Variants in PIGO observed in about 807,000 individuals in gnomAD.
The protein encoded by PIGO is phosphatidylinositol glycan anchor biosynthesis class O, also known as GPI ethanolamine phosphate transferase 3, catalytic subunit.
A neutral mutation model predicts 86.9 loss-of-function variants in PIGO; 66 were observed. The ratio of observed to expected loss-of-function variants is 0.76; its 90% confidence interval spans 0.62 to 0.93. The LOEUF is 0.93. Among genes scored for constraint, PIGO ranks in the 40% least tolerant of loss-of-function variants. The pLI is 0.00. For synonymous variants in PIGO, 570 were observed against 556.4 expected (o/e 1.02, Z -0.34); for missense variants, 1,202 against 1,359.1 (o/e 0.88, Z 1.82).
Position 35,089,058 on chromosome 9 carries a change from C to T in PIGO, c.*34G>A, listed in dbSNP as rs777180949. 1.5e-5 allele frequency: 25 copies of T among 1,613,366 alleles called. No homozygotes were observed. Among genetic ancestry groups the T allele is most frequent in the Non-Finnish European group, 2.1e-5 (25 of 1,179,842 alleles). On this transcript the variant is annotated 3_prime_UTR_variant, in exon 11 of 11. Coordinates refer to ENST00000378617, the MANE Select transcript of PIGO (RefSeq NM_032634.4). ...CCAGGCTACACTGTTCTCAAGCACT[C>T]TCTGTAGCCAAGTGCCAGTAATCAC...
intron 3 of PIGO, 41 bp from the exon 4 acceptor site, chr9:35,094,065 A>G: frequency 1.9e-6 from 3 of 1,598,272 alleles, no homozygotes; most frequent in Non-Finnish European, 1.7e-6. Flanking sequence ...ACTAAGACCC[A>G]CTCCTCAACC....
At chr9:35,093,874 C>T (rs766322195) in intron 4 of PIGO, 27 bp downstream of exon 4, 8 of 1,609,046 alleles carry the variant, frequency 5.0e-6, no homozygotes, top group Non-Finnish European at 6.8e-6. Flanking sequence ...CACAAACCCA[C>T]TCCCCCAGCC....
Position 35,095,411 on chromosome 9 carries a change from C to A in PIGO, c.155G>T (p.Trp52Leu). 6.2e-7 allele frequency: 1 copy of A among 1,614,126 alleles called. No homozygotes were observed. Among genetic ancestry groups the A allele is most frequent in the Non-Finnish European group, 8.5e-7 (1 of 1,179,992 alleles). Reference protein sequence around the residue: ...QEPPGPGSLPWGSQGKPGACW... With the variant: ...QEPPGPGSLPLGSQGKPGACW... ...GGCCCCAGGTTTCCCTTGGCTCCCC[C>A]ATGGCAGGGACCCAGGGCCTGGGGG... Residue 52 changes from tryptophan (W) to leucine (L), a missense_variant, in exon 2 of 11, where the codon TGG becomes TTG. By Grantham distance (61) the Trp-to-Leu change is moderately conservative. Transcript: ENST00000378617.
chr9:35,094,428 G>A, intron 2 of PIGO, 69 bp from the exon 3 acceptor site: 1 of 1,539,058 alleles, frequency 6.5e-7, no homozygotes, highest in Non-Finnish European at 8.7e-7. Context: ...AGGAAAAGAG[G>A]CCCTTTAAAG....
At chr9:35,095,700 C>T (rs1829641222) in intron 1 of PIGO, 134 bp from the exon 2 acceptor site, 1 of 1,158,026 alleles carries the variant, frequency 8.6e-7, no homozygotes, top group African/African-American at 1.6e-5. Context: ...TCACAGCCAA[C>T]CCCTCGCAAT....
intron 6 of PIGO, 124 bp from the exon 7 acceptor site, chr9:35,092,891 G>A (rs920303204): frequency 2.4e-5 from 33 of 1,366,228 alleles, no homozygotes; most frequent in South Asian, 1.6e-4. Context: ...GTCCAGAATC[G>A]GGGAAGGGAG....
chr9:35,095,654 ACTTCCTCCCGGAAACCTTCCTGGAG>A lies in PIGO; in HGVS notation c.-1-113_-1-89del, dbSNP rs1429631327. 2.2e-6 allele frequency: 3 copies of A among 1,386,064 alleles called. No homozygotes were observed. In the African/African-American group the frequency reaches 4.4e-5, roughly 20 times the overall value. The allele number at this position is 1,386,064 out of a possible 1,614,324, so 85.9% of individuals were successfully genotyped here. On this transcript the variant is annotated intron_variant, in intron 1 of 10. Transcript: ENST00000378617. ...CCTGAATACAAGCCCAGCTAGAATC[ACTTCCTCCCGGAAACCTTCCTGGAG>A]ATAAACCATTTCACAGCCAACCCCT...
chr9:35,091,467 T>C lies in PIGO; in HGVS notation c.2420A>G (p.Glu807Gly), dbSNP rs1829412242. The C allele has an allele frequency of 1.4e-5, 22 of 1,614,090 alleles. No homozygotes were observed. The highest frequency in any genetic ancestry group is 1.8e-5 in the Non-Finnish European group (21 of 1,180,006). Reference sequence around the variant, plus strand: ...GGTCCTCTCTAACCGGCCCCGGAACTCCTCCTGCATGTGTCGGTAGATTTG... The same window carrying C: ...GGTCCTCTCTAACCGGCCCCGGAACCCCTCCTGCATGTGTCGGTAGATTTG... ...VPQIYRHMQE[E>G]FRGRLERTKS... The change falls in exon 7 of 11, where the codon GAG becomes GGG. Residue 807 changes from glutamate to glycine, a missense_variant. Coordinates refer to ENST00000378617, the MANE Select transcript of PIGO (RefSeq NM_032634.4).
At chr9:35,093,751 A>G in intron 4 of PIGO, 150 bp downstream of exon 4, 2 of 1,453,998 alleles carry the variant, frequency 1.4e-6, no homozygotes, top group Non-Finnish European at 1.9e-6. Flanking sequence ...CCAAAGCTAC[A>G]CATTGAGTTA....
Position 35,094,040 on chromosome 9 carries a change from C to CACTGAGCACAGAAG in PIGO, c.656-30_656-17dup. 1 of 1,611,254 alleles carries CACTGAGCACAGAAG rather than the reference C, an allele frequency of 6.2e-7. No individual in the cohort carries two copies. The highest frequency in any genetic ancestry group is 1.1e-5 in the South Asian group (1 of 90,658). On this transcript the variant is annotated splice_polypyrimidine_tract_variant and intron_variant, in intron 3 of 10. Transcript: ENST00000378617. Reference sequence around the variant, plus strand: ...CCACTGTCCACTGTGAAGGGGAGAACACTGAGCACAGAAGACTAAGACCCA... The same window carrying CACTGAGCACAGAAG: ...CCACTGTCCACTGTGAAGGGGAGAACACTGAGCACAGAAGACTGAGCACAGAAGACTAAGACCCA...
intron 9 of PIGO, chr9:35,089,722 C>T: frequency 1.4e-6 from 2 of 1,404,282 alleles, no homozygotes; most frequent in Non-Finnish European, 9.2e-7. Flanking sequence ...ATATCAGTGC[C>T]ACATCTGCCT....
chr9:35,092,092 G>C lies in PIGO; in HGVS notation c.1795C>G (p.Leu599Val), dbSNP rs754557782. The C allele has an allele frequency of 1.2e-6, 2 of 1,614,250 alleles. No homozygotes were observed. Among genetic ancestry groups the C allele is most frequent in the Non-Finnish European group, 1.7e-6 (2 of 1,180,042 alleles). Residue 599 changes from leucine to valine, a missense_variant, in exon 7 of 11, where the codon CTA (leucine) becomes GTA (valine). Leu to Val is a conservative substitution (Grantham distance 32, BLOSUM62 1). Coordinates refer to ENST00000378617, the MANE Select transcript of PIGO (RefSeq NM_032634.4). The stretch of plus-strand genomic sequence containing the variant: ...GTGCCAAGGCGGGGCATTGTGAGTA[G>C]CTTAGGTGGAAGCAGCTGGCCCTCC... ...HWEGQLLPPK[L>V]LTMPRLGTSA...
At position 35,091,995 on chromosome 9, in the gene PIGO, C is replaced by T. The variant is rs1829445489; in HGVS notation, c.1892G>A (p.Cys631Tyr). The T allele has an allele frequency of 1.2e-6, 2 of 1,614,114 alleles. No homozygotes were observed. The highest frequency in any genetic ancestry group is 1.7e-6 in the Non-Finnish European group (2 of 1,180,046). ...ALRLGIGLLL[C>Y]TRLAGLFHRC... is the part of the protein sequence containing the mutation. ...ATGAAAAAGCCCAGCTAGCCTTGTA[C>T]ATAAAAGCAACCCAATTCCAAGCCT... Residue 631 changes from cysteine to tyrosine, a missense_variant, in exon 7 of 11, where the codon TGT becomes TAT. By Grantham distance (194) the Cys-to-Tyr change is radical. Coordinates refer to ENST00000378617, the MANE Select transcript of PIGO (RefSeq NM_032634.4).
chr9:35,092,070 C>T lies in PIGO; in HGVS notation c.1817G>A (p.Gly606Asp), dbSNP rs564994215. The change falls in exon 7 of 11, where the codon GGC becomes GAC. Residue 606 changes from glycine (G) to aspartate (D), a missense_variant. By Grantham distance (94) the Gly-to-Asp change is moderately conservative. Transcript: ENST00000378617. Reference sequence around the variant, plus strand: ...TGGGGGGTTTGTTGTGGCTGAAGTGCCAAGGCGGGGCATTGTGAGTAGCTT... The same window carrying T: ...TGGGGGGTTTGTTGTGGCTGAAGTGTCAAGGCGGGGCATTGTGAGTAGCTT... ...PPKLLTMPRLGTSATTNPPRH... is the reference protein window; with the variant it reads ...PPKLLTMPRLDTSATTNPPRH... 2 of 1,614,204 alleles carry T rather than the reference C, an allele frequency of 1.2e-6. No homozygotes were observed. Among genetic ancestry groups the T allele is most frequent in the Non-Finnish European group, 1.7e-6 (2 of 1,180,036 alleles).
Position 35,092,214 on chromosome 9 carries a change from G to A in PIGO, c.1673C>T (p.Ala558Val), listed in dbSNP as rs544432298. The A allele has an allele frequency of 2.5e-6, 4 of 1,614,228 alleles. No homozygotes were observed. In the African/African-American group the frequency reaches 5.3e-5, roughly 22 times the overall value. The stretch of plus-strand genomic sequence containing the variant: ...AACAAAACTATCAGAGAAGAACACA[G>A]CCAAGCGAAACAGCAGGAGTAACAG... Reference protein sequence around the residue: ...PVLLLLLFRLAVFFSDSFVVA... With the variant: ...PVLLLLLFRLVVFFSDSFVVA... The change falls in exon 7 of 11, where the codon GCT becomes GTT. Residue 558 changes from alanine to valine, a missense_variant. By Grantham distance (64) the Ala-to-Val change is moderately conservative. Transcript: ENST00000378617.
At position 35,090,711 on chromosome 9, in the gene PIGO, T is replaced by C. The variant is rs1272809473; in HGVS notation, c.2648-39A>G. On this transcript the variant is annotated intron_variant, in intron 7 of 10. Transcript: ENST00000378617. ...TATGCCACGTTACAGTCACTTCTTA[T>C]TCCCTAATCCATAGGCTACTGCTCC... 3 of 1,591,400 alleles carry C rather than the reference T, an allele frequency of 1.9e-6. No homozygotes were observed. In the South Asian group the frequency reaches 3.3e-5, roughly 18 times the overall value.
In PIGO at chr9:35,092,742, G is replaced by A. The variant is rs1231348305; in HGVS notation, c.1145C>T (p.Ser382Leu). 1.9e-6 allele frequency: 3 copies of A among 1,610,640 alleles called. No homozygotes were observed. The highest frequency in any genetic ancestry group is 3.4e-5 in the Admixed American group (2 of 59,070). The stretch of plus-strand genomic sequence containing the variant: ...AGCTTGAAGGTCCTGAGTAGCAGCT[G>A]AGTAGGTATGAAGAAATCGGGACAC... ...QQVSRFLHTY[S>L]AATQDLQAKE... is the part of the protein sequence containing the mutation. The change falls in exon 7 of 11, where the codon TCA (serine) becomes TTA (leucine). Residue 382 changes from serine (S) to leucine (L), a missense_variant. By Grantham distance (145) the Ser-to-Leu change is moderately radical. Transcript: ENST00000378617.
chr9:35,090,018 A>G (rs781667104), intron 9 of PIGO, 48 bp downstream of exon 9: 131 of 1,578,434 alleles, frequency 8.3e-5, no homozygotes, highest in Non-Finnish European at 1.1e-4. Flanking sequence ...AAAGTGATGC[A>G]CACACAGAGA....
intron 1 of PIGO, 128 bp from the exon 2 acceptor site, chr9:35,095,694 A>C (rs1221614787): frequency 8.4e-7 from 1 of 1,191,634 alleles, no homozygotes; most frequent in Non-Finnish European, 1.1e-6. Flanking sequence ...ACCATTTCAC[A>C]GCCAACCCCT....
Sources: gnomAD v4.1 joint callset for allele counts on GRCh38, gnomAD v4.1.1 for gene constraint, MANE v1.5 for transcripts, NCBI Gene and HGNC (gene_info 2026-07-23, HGNC 2026-07-21) for gene names.